CNR1: variants seen among roughly 807,000 people sequenced by gnomAD.
CNR1 encodes cannabinoid receptor 1 (brain).
Under a neutral mutation model 23.0 loss-of-function variants are expected in CNR1, and 10 were observed. That is an observed-to-expected ratio of 0.43 (90% CI 0.27 to 0.74). The LOEUF is 0.74. CNR1 is among the 30% of genes least tolerant of loss of function. The pLI is 0.19. For synonymous variants in CNR1, 271 were observed against 255.2 expected, an observed-to-expected ratio of 1.06 and a Z score of -0.59; for missense variants, 422 against 618.8, an observed-to-expected ratio of 0.68 and a Z score of 3.37.
Position 88,145,042 on chromosome 6 carries a change from A to G in CNR1, c.233T>C (p.Ile78Thr), listed in dbSNP as rs771953798. The G allele has an allele frequency of 1.2e-6, 2 of 1,614,150 alleles. No homozygotes were observed. Among genetic ancestry groups the G allele is most frequent in the South Asian group, 1.1e-5 (1 of 91,076 alleles). Residue 78 changes from isoleucine (I) to threonine (T), a missense_variant, in exon 2 of 2, where the codon ATT becomes ACT. By Grantham distance (89) the Ile-to-Thr change is moderately conservative. This residue lies in a region of CNR1 where 120 missense variants were observed against 117.6 expected (regional missense o/e 1.02). Coordinates refer to ENST00000369501, the MANE Select transcript of CNR1 (RefSeq NM_016083.6). ...PQLVPADQVN[I>T]TEFYNKSLSS... ...GAGAGACTTGTTGTAAAATTCTGTA[A>G]TGTTCACCTGGTCTGCTGGGACTAG...
At chr6:88,157,533 A>C (rs1382678719) in intron 1 of CNR1, among the ~76,000 whole-genome samples, 1 of 152,220 alleles carries the variant, frequency 6.6e-6, no homozygotes, top group Non-Finnish European at 1.5e-5. Flanking sequence ...TTTCTGAGGC[A>C]AAAGGGCATT....
upstream of CNR1, among the ~76,000 whole-genome samples, chr6:88,166,869 C>T (rs1270535223): frequency 1.3e-5 from 2 of 151,898 alleles, no homozygotes; most frequent in Non-Finnish European, 2.9e-5. Flanking sequence ...CCCCTCCCTC[C>T]GCGCAAGGCC....
At chr6:88,166,792 C>G (rs1339992096), upstream of CNR1, among the ~76,000 whole-genome samples, 6 of 151,010 alleles carry the variant, frequency 4.0e-5, no homozygotes, top group Non-Finnish European at 7.4e-5. Flanking sequence ...CGGGCTGAGC[C>G]GGAAGGGGAA....
chr6:88,149,641 C>G lies in CNR1; in HGVS notation c.-63-4304G>C, dbSNP rs576243511. On this transcript the variant is annotated intron_variant, in intron 1 of 1. Coordinates refer to ENST00000369501, the MANE Select transcript of CNR1 (RefSeq NM_016083.6). ...GTGACTTGCTGCTCTTTGAATACAC[C>G]GTCATACCTGCACACCTTCCTCCTT... Among the ~76,000 whole-genome samples the G allele has an allele frequency of 1.2e-4, 19 of 152,202 alleles. No homozygotes were observed. The East Asian group carries it at 3.1e-3, about 25-fold the overall frequency.
Position 88,159,695 on chromosome 6 carries a change from T to C in CNR1, c.-64+6108A>G, listed in dbSNP as rs948464572. On this transcript the variant is annotated intron_variant, in intron 1 of 1. Transcript: ENST00000369501. ...CAAAATTCTTTGGCCAATCTTGCAC[T>C]TGTTTCAGTTATATGTTAAATTGTC... 1.1e-4 allele frequency among the ~76,000 whole-genome samples: 16 copies of C among 152,240 alleles called. 1 individual carries two copies. Among genetic ancestry groups the C allele is most frequent in the African/African-American group, 3.6e-4 (15 of 41,464 alleles).
At position 88,153,359 on chromosome 6, in the gene CNR1, T is replaced by A. The variant is rs139845309; in HGVS notation, c.-63-8022A>T. Among the ~76,000 whole-genome samples, 401 of 152,254 alleles carry A rather than the reference T, an allele frequency of 2.6e-3. 1 individual carries two copies. The highest frequency in any genetic ancestry group is 0.01 in the Middle Eastern group (3 of 294). On this transcript the variant is annotated intron_variant, in intron 1 of 1. Coordinates refer to ENST00000369501, the MANE Select transcript of CNR1 (RefSeq NM_016083.6). ...AACCACAAAGGGTTTAAAATGTCCA[T>A]GTGTTCTAGGCTGAAAACACTGTAG...
chr6:88,160,240 G>C (rs188545279), intron 1 of CNR1, among the ~76,000 whole-genome samples: 1 of 151,922 alleles, frequency 6.6e-6, no homozygotes, highest in African/African-American at 2.4e-5. Flanking sequence ...GCAGTGAGCC[G>C]AGATTGTGCC....
chr6:88,162,286 T>G (rs1404965612), intron 1 of CNR1, among the ~76,000 whole-genome samples: 1 of 152,238 alleles, frequency 6.6e-6, no homozygotes, highest in Admixed American at 6.5e-5. Flanking sequence ...CATATTTAAA[T>G]TTTTATTTCA....
Position 88,145,216 on chromosome 6 carries a change from A to C in CNR1, c.59T>G (p.Leu20Arg). 2.5e-6 allele frequency: 4 copies of C among 1,614,082 alleles called. No individual in the cohort carries two copies. The highest frequency in any genetic ancestry group is 3.4e-6 in the Non-Finnish European group (4 of 1,180,010). The part of the protein sequence containing the change: ...DTTFRTITTD[L>R]LYVGSNDIQY... ...AATGTCATTTGAGCCCACGTACAGGAGGTCAGTGGTGATGGTGCGGAAGGT... is the reference window on the plus strand; with the variant it reads ...AATGTCATTTGAGCCCACGTACAGGCGGTCAGTGGTGATGGTGCGGAAGGT... Residue 20 changes from leucine (L) to arginine (R), a missense_variant, in exon 2 of 2, where the codon CTC (leucine) becomes CGC (arginine). Physicochemically the swap from Leu to Arg is moderately radical, Grantham distance 102. Around this residue, in one of 4 missense-constraint regions of CNR1, gnomAD observed 120 missense variants for 117.6 expected, o/e 1.02. Transcript: ENST00000369501.
Position 88,143,912 on chromosome 6 carries a change from T to G in CNR1, c.1363A>C (p.Lys455Gln). The G allele has an allele frequency of 6.2e-7, 1 of 1,614,184 alleles. No individual in the cohort carries two copies. Among genetic ancestry groups the G allele is most frequent in the Non-Finnish European group, 8.5e-7 (1 of 1,180,032 alleles). The part of the protein sequence containing the change: ...AAESCIKSTV[K>Q]IAKVTMSVST... ...ACAGACATGGTTACCTTGGCAATCT[T>G]GACCGTGCTCTTGATGCAGCTTTCT... is the stretch of plus-strand genomic sequence containing the variant. Residue 455 changes from lysine to glutamine, a missense_variant, in exon 2 of 2, where the codon AAG (lysine) becomes CAG (glutamine). This residue lies in a region of CNR1 where 79 missense variants were observed against 98.0 expected (regional missense o/e 0.81). Transcript: ENST00000369501.
In CNR1 at chr6:88,143,068, A is replaced by G. The variant is rs141630645; in HGVS notation, c.*788T>C. The G allele has an allele frequency of 2.0e-4, 31 of 152,608 alleles. No individual in the cohort carries two copies. The East Asian group carries it at 5.6e-3, about 28-fold the overall frequency. 9.5% of individuals were successfully genotyped at this position (152,608 alleles called of 1,614,324 possible). On this transcript the variant is annotated 3_prime_UTR_variant, in exon 2 of 2. Transcript: ENST00000369501. ...TCTTCCATTCTGATTATAATCCATT[A>G]GAACAGCTATAGTCCAGAAGATAAT... is the stretch of plus-strand genomic sequence containing the variant.
Position 88,144,323 on chromosome 6 carries a change from T to C in CNR1, c.952A>G (p.Ile318Val). The C allele has an allele frequency of 1.2e-6, 2 of 1,613,270 alleles. No individual in the cohort carries two copies. The highest frequency in any genetic ancestry group is 2.2e-5 in the East Asian group (1 of 44,870). The stretch of plus-strand genomic sequence containing the variant: ...TTCCCATCCTCAGACGTGTGGATGA[T>C]GATGCTCTTCTGGGTGCCACGCTGA... Reference protein sequence around the residue: ...MIQRGTQKSIIIHTSEDGKVQ... With the variant: ...MIQRGTQKSIVIHTSEDGKVQ... The change falls in exon 2 of 2, where the codon ATC becomes GTC. Residue 318 changes from isoleucine to valine, a missense_variant. Around this residue, in one of 4 missense-constraint regions of CNR1, gnomAD observed 211 missense variants for 357.3 expected, o/e 0.59. Coordinates refer to ENST00000369501, the MANE Select transcript of CNR1 (RefSeq NM_016083.6). This position sits in a 1 kb window ranked among gnomAD's most constrained non-coding sequence, Gnocchi z 7.8.
intron 1 of CNR1, among the ~76,000 whole-genome samples, chr6:88,150,332 T>G (rs1004246519): frequency 6.6e-6 from 1 of 152,176 alleles, no homozygotes; most frequent in African/African-American, 2.4e-5. Context: ...CATCCCTATA[T>G]CCCAGCCACC....
chr6:88,145,281 A>C lies in CNR1; in HGVS notation c.-7T>G, dbSNP rs1777117720. ...CATCTAGGATCGACTTCATAACCTC[A>C]GTCTTTGATTAGGCTGAGCTCAAAA... On this transcript the variant is annotated 5_prime_UTR_variant, in exon 2 of 2. Coordinates refer to ENST00000369501, the MANE Select transcript of CNR1 (RefSeq NM_016083.6). 1 of 1,599,478 alleles carries C rather than the reference A, an allele frequency of 6.3e-7. No individual in the cohort carries two copies.
chr6:88,145,188 CT>C lies in CNR1; in HGVS notation c.86del (p.Gln29ArgfsTer13), dbSNP rs1344648776. The C allele has an allele frequency of 1.2e-5, 20 of 1,613,998 alleles. No individual in the cohort carries two copies. Among genetic ancestry groups the C allele is most frequent in the Non-Finnish European group, 1.7e-5 (20 of 1,180,026 alleles). Reference sequence around the variant, plus strand: ...CCATGTCACCTTTGATGTCTTCGTACTGAATGTCATTTGAGCCCACGTACAG... The same window carrying C: ...CCATGTCACCTTTGATGTCTTCGTACGAATGTCATTTGAGCCCACGTACAG... Reference protein sequence around the residue: ...DLLYVGSNDIQYEDIKGDMAS... With the variant: ...DLLYVGSNDIXYEDIKGDMAS... On this transcript the variant is annotated frameshift_variant, in exon 2 of 2. Coordinates refer to ENST00000369501, the MANE Select transcript of CNR1 (RefSeq NM_016083.6). LOFTEE classifies it high-confidence loss of function.
At position 88,144,503 on chromosome 6, in the gene CNR1, C is replaced by T; in HGVS notation, c.772G>A (p.Glu258Lys). 1 of 1,614,206 alleles carries T rather than the reference C, an allele frequency of 6.2e-7. No homozygotes were observed. Among genetic ancestry groups the T allele is most frequent in the Non-Finnish European group, 8.5e-7 (1 of 1,180,048 alleles). The change falls in exon 2 of 2, where the codon GAG (glutamate) becomes AAG (lysine). Residue 258 changes from glutamate (E) to lysine (K), a missense_variant. By Grantham distance (56) the Glu-to-Lys change is moderately conservative. Transcript: ENST00000369501. This position sits in a 1 kb window ranked among gnomAD's most constrained non-coding sequence, Gnocchi z 7.8. ...AVLPLLGWNC[E>K]KLQSVCSDIF... is the part of the protein sequence containing the mutation. ...TCTGAGCAAACAGATTGCAGTTTCT[C>T]GCAGTTCCAGCCCAGGAGAGGCAGC...
At chr6:88,148,959 G>C (rs968844839) in intron 1 of CNR1, among the ~76,000 whole-genome samples, 9 of 152,144 alleles carry the variant, frequency 5.9e-5, no homozygotes. Flanking sequence ...TAAGAAAATT[G>C]AGGGTTTTTT....
chr6:88,145,011 G>A lies in CNR1; in HGVS notation c.264C>T (p.Ser88=), dbSNP rs1582327779. The A allele has an allele frequency of 6.2e-7, 1 of 1,614,092 alleles. No homozygotes were observed. The highest frequency in any genetic ancestry group is 8.5e-7 in the Non-Finnish European group (1 of 1,179,992). The change falls in exon 2 of 2, where the codon TCC becomes TCT. Residue 88 remains serine, a synonymous_variant. Transcript: ENST00000369501. Reference sequence around the variant, plus strand: ...GGATGTTCTCCTCATTCTCCTTGAAGGACGAGAGAGACTTGTTGTAAAATT... The same window carrying A: ...GGATGTTCTCCTCATTCTCCTTGAAAGACGAGAGAGACTTGTTGTAAAATT... The part of the protein sequence containing the change: ...ITEFYNKSLS[S]FKENEENIQC...
chr6:88,160,560 G>A (rs979006076), intron 1 of CNR1, among the ~76,000 whole-genome samples: 25 of 150,616 alleles, frequency 1.7e-4, no homozygotes, highest in Non-Finnish European at 2.4e-4. Flanking sequence ...TCAACCTCCC[G>A]AGTAGCTGGG....
Sources: allele counts gnomAD v4.1 joint callset (sites outside exome capture counted in the v4.1 genomes callset), GRCh38; gene constraint gnomAD v4.1.1; regional missense constraint gnomAD v4.1.1; non-coding constraint Gnocchi (gnomAD v3.1); transcripts MANE v1.5; gene names NCBI Gene and HGNC (gene_info 2026-07-23, HGNC 2026-07-21).